CRPPA: variants seen among roughly 807,000 people sequenced by gnomAD.
CRPPA encodes the protein CDP-L-ribitol pyrophosphorylase A, also known as D-ribitol-5-phosphate cytidylyltransferase.
CRPPA carries 43 observed loss-of-function variants against 52.0 expected under a neutral mutation model. The observed-to-expected ratio is 0.83, with a 90% CI of 0.65 to 1.07. CRPPA has a LOEUF of 1.07. Ranked by LOEUF, CRPPA falls within the 50% of genes least tolerant of loss-of-function variation. CRPPA has a pLI of 0.00. For synonymous variants in CRPPA, 250 were observed against 203.5 expected, an observed-to-expected ratio of 1.23 and a Z score of -1.94; for missense variants, 629 against 551.7, an observed-to-expected ratio of 1.14 and a Z score of -1.40.
At chr7:16,152,076 C>T (rs967644071) in intron 9 of CRPPA, among the ~76,000 whole-genome samples, 1 of 151,814 alleles carries the variant, frequency 6.6e-6, no homozygotes, top group Admixed American at 6.6e-5. Context: ...ATTTTTAAAT[C>T]ACCACAAATA....
chr7:16,219,794 A>C (rs1335983367), intron 8 of CRPPA, among the ~76,000 whole-genome samples: 1 of 144,886 alleles, frequency 6.9e-6, no homozygotes, highest in African/African-American at 2.5e-5. Context: ...AATTCTGGCA[A>C]TAATCAATAG....
At chr7:16,350,047 C>G (rs1786107074) in intron 3 of CRPPA, among the ~76,000 whole-genome samples, 1 of 151,730 alleles carries the variant, frequency 6.6e-6, no homozygotes, top group African/African-American at 2.4e-5. Flanking sequence ...ATAAAATGAT[C>G]AGTGGATTTT....
intron 1 of CRPPA, among the ~76,000 whole-genome samples, chr7:16,413,499 T>G (rs1414366056): frequency 6.6e-6 from 1 of 152,242 alleles, no homozygotes; most frequent in Non-Finnish European, 1.5e-5. Flanking sequence ...GAATCTCTAA[T>G]ACAGTTAATC....
chr7:16,366,651 A>T (rs1356932029), intron 3 of CRPPA, among the ~76,000 whole-genome samples: 1 of 152,046 alleles, frequency 6.6e-6, no homozygotes, highest in Admixed American at 6.6e-5. Context: ...CTCAAAGAAG[A>T]TCCCAGCCAA....
chr7:16,297,816 T>C (rs1203629290), intron 5 of CRPPA, among the ~76,000 whole-genome samples: 2 of 152,228 alleles, frequency 1.3e-5, no homozygotes, highest in African/African-American at 4.8e-5. Context: ...ACTGGAACTC[T>C]ACCACTGGCT....
chr7:16,207,980 T>A (rs907138338), intron 9 of CRPPA, among the ~76,000 whole-genome samples: 1 of 152,160 alleles, frequency 6.6e-6, no homozygotes, highest in Non-Finnish European at 1.5e-5. Context: ...TATACAACTA[T>A]CCCCTGGAAA....
chr7:16,398,022 A>G (rs1266485491), intron 2 of CRPPA, among the ~76,000 whole-genome samples: 6 of 152,224 alleles, frequency 3.9e-5, no homozygotes, highest in Non-Finnish European at 8.8e-5. Flanking sequence ...TTGACACATG[A>G]TCAACACGTA....
At chr7:16,251,052 C>CA (rs570099770) in intron 8 of CRPPA, among the ~76,000 whole-genome samples, 1,549 of 136,508 alleles carry the variant, frequency 0.011, 13 homozygotes, top group Non-Finnish European at 0.016. Context: ...AAATGGAAAG[C>CA]AAAAAAAAAA....
At chr7:16,254,973 T>C (rs534359632) in intron 8 of CRPPA, among the ~76,000 whole-genome samples, 353 of 152,212 alleles carry the variant, frequency 2.3e-3, no homozygotes, top group Non-Finnish European at 4.1e-3. Context: ...ATAAAGGGTA[T>C]TCAATTAGGA....
intron 3 of CRPPA, among the ~76,000 whole-genome samples, chr7:16,333,930 T>C (rs1276187097): frequency 6.6e-6 from 1 of 152,126 alleles, no homozygotes; most frequent in Non-Finnish European, 1.5e-5. Context: ...TTCTATGATG[T>C]TTGGAAAAAT....
At chr7:16,095,770 G>A (rs1468084660) in intron 9 of CRPPA, among the ~76,000 whole-genome samples, 1 of 152,146 alleles carries the variant, frequency 6.6e-6, no homozygotes, top group Non-Finnish European at 1.5e-5. Context: ...CTGTCAAAGT[G>A]GCTTGTATTT....
Position 16,315,839 on chromosome 7 carries a change from A to G in CRPPA, c.685-7212T>C, listed in dbSNP as rs184732918. ...TTTTCCTACCCTGTCACTATTTCCCAAGGAGATTTCTGCTCTGGTAAATTG... is the reference window on the plus strand; with the variant it reads ...TTTTCCTACCCTGTCACTATTTCCCGAGGAGATTTCTGCTCTGGTAAATTG... On this transcript the variant is annotated intron_variant, in intron 3 of 9. Transcript: ENST00000407010. 5.3e-5 allele frequency among the ~76,000 whole-genome samples: 8 copies of G among 152,206 alleles called. No individual in the cohort carries two copies. In the South Asian group the frequency reaches 1.5e-3, roughly 28 times the overall value.
At chr7:16,174,992 G>T (rs1055471528) in intron 9 of CRPPA, among the ~76,000 whole-genome samples, 4 of 152,106 alleles carry the variant, frequency 2.6e-5, no homozygotes, top group African/African-American at 7.2e-5. Flanking sequence ...TGAGAGAAGG[G>T]TAAGATTTTG....
chr7:16,403,934 T>C (rs10273243), intron 2 of CRPPA, among the ~76,000 whole-genome samples: 2,313 of 151,860 alleles, frequency 0.015, 64 homozygotes, highest in African/African-American at 0.053. Flanking sequence ...TGCAAATGAA[T>C]TTTGTCTATT....
chr7:16,387,344 T>G (rs998749213), intron 2 of CRPPA, among the ~76,000 whole-genome samples: 16 of 151,958 alleles, frequency 1.1e-4, no homozygotes, highest in African/African-American at 3.9e-4. Flanking sequence ...TAGTAAATTC[T>G]GAAGCAAATA....
intron 3 of CRPPA, among the ~76,000 whole-genome samples, chr7:16,360,992 A>G (rs1171351503): frequency 2.0e-5 from 3 of 152,222 alleles, no homozygotes; most frequent in South Asian, 2.1e-4. Context: ...GACCTAGAAT[A>G]CATAAAGAAC....
In CRPPA at chr7:16,400,128, C is replaced by A. The variant is rs532123397; in HGVS notation, c.534+5933G>T. Among the ~76,000 whole-genome samples, 232 of 152,178 alleles carry A rather than the reference C, an allele frequency of 1.5e-3. 2 individuals carry two copies. Among genetic ancestry groups the A allele is most frequent in the African/African-American group, 5.4e-3 (226 of 41,524 alleles). ...AGTGTGATACATGACCAACACGTGA[C>A]CAACATGGTTGACACGTGATTGACA... On this transcript the variant is annotated intron_variant, in intron 2 of 9. Transcript: ENST00000407010.
intron 9 of CRPPA, among the ~76,000 whole-genome samples, chr7:16,167,426 G>A (rs1258972751): frequency 1.3e-5 from 2 of 152,150 alleles, no homozygotes; most frequent in African/African-American, 4.8e-5. Flanking sequence ...TATATAAGAA[G>A]GTGATCAGTA....
chr7:16,218,150 GA>G (rs1297623340), intron 8 of CRPPA, among the ~76,000 whole-genome samples: 1 of 151,832 alleles, frequency 6.6e-6, no homozygotes, highest in Non-Finnish European at 1.5e-5. Flanking sequence ...CATTCTTAAA[GA>G]AAAGAAATTT....
Sources: gnomAD v4.1 joint callset for allele counts (sites outside exome capture counted in the v4.1 genomes callset) on GRCh38, gnomAD v4.1.1 for gene constraint, MANE v1.5 for transcripts, NCBI Gene and HGNC (gene_info 2026-07-23, HGNC 2026-07-21) for gene names.